The following UROS variants were observed in gnomAD, a reference collection of about 807,000 sequenced individuals.
UROS encodes the protein uroporphyrinogen-III synthase.
In UROS, 18 loss-of-function variants were observed where a neutral mutation model predicts 33.0. The observed-to-expected ratio is 0.55, with a 90% CI of 0.38 to 0.81. The LOEUF (loss-of-function observed/expected upper bound fraction) is 0.81. UROS is among the 30% of genes least tolerant of loss of function. The probability of loss-of-function intolerance (pLI) is 0.00; values close to 1 mark genes in which losing one functional copy is unlikely to be tolerated. For synonymous variants in UROS, 114 were observed against 121.1 expected (o/e 0.94, Z 0.38); for missense variants, 293 against 314.9 (o/e 0.93, Z 0.53).
intron 6 of UROS, among the ~76,000 whole-genome samples, chr10:125,800,416 A>C (rs1851742922): frequency 6.6e-6 from 1 of 152,116 alleles, no homozygotes; most frequent in South Asian, 2.1e-4. Context: ...GTGCTGGGGG[A>C]ACGGGGCGGA....
Position 125,794,871 on chromosome 10 carries a change from A to T in UROS, c.660+9T>A. ...CTGAAAAAGACCAAAAGCTCATTGA[A>T]TAACTTACCTTAATTTGATCGATAT... is the stretch of plus-strand genomic sequence containing the variant. On this transcript the variant is annotated intron_variant, in intron 9 of 9. Coordinates refer to ENST00000368797, the MANE Select transcript of UROS (RefSeq NM_000375.3). The T allele has an allele frequency of 6.2e-7, 1 of 1,610,170 alleles. No individual in the cohort carries two copies. Among genetic ancestry groups the T allele is most frequent in the Non-Finnish European group, 8.5e-7 (1 of 1,176,492 alleles).
At chr10:125,808,861 T>C (rs1429775745) in intron 5 of UROS, among the ~76,000 whole-genome samples, 1 of 152,236 alleles carries the variant, frequency 6.6e-6, no homozygotes, top group Non-Finnish European at 1.5e-5. Context: ...ATATTTGGTC[T>C]AAGGTCTCAG....
intron 1 of UROS, among the ~76,000 whole-genome samples, chr10:125,817,224 AT>A (rs11431196): frequency 0.025 from 1,853 of 73,966 alleles, 49 homozygotes; most frequent in African/African-American, 0.073. Context: ...TTATAGATGT[AT>A]TTTTTTTTTT....
At chr10:125,797,776 G>A (rs887098596) in intron 7 of UROS, among the ~76,000 whole-genome samples, 17 of 152,154 alleles carry the variant, frequency 1.1e-4, no homozygotes, top group African/African-American at 4.1e-4. Context: ...TCTGCCCAGG[G>A]GCCACCTCCA....
In UROS at chr10:125,816,477, T is replaced by A. The variant is rs769716295; in HGVS notation, c.23A>T (p.Asp8Val). 3 of 1,614,188 alleles carry A rather than the reference T, an allele frequency of 1.9e-6. No individual in the cohort carries two copies. In the Admixed American group the frequency reaches 5.0e-5, roughly 27 times the overall value. Residue 8 changes from aspartate to valine, a missense_variant, in exon 2 of 10, where the codon GAT becomes GTT. Physicochemically the swap from Asp to Val is radical, Grantham distance 152. Coordinates refer to ENST00000368797, the MANE Select transcript of UROS (RefSeq NM_000375.3). MKVLLLKDAKEDDCGQDP... is the reference protein window; with the variant it reads MKVLLLKVAKEDDCGQDP... ...CTGGCCACAGTCATCTTCCTTCGCA[T>A]CCTTCAGTAAAAGAACCTTCATTAT... is the stretch of plus-strand genomic sequence containing the variant.
In UROS at chr10:125,804,578, T is replaced by G. The variant is rs548035197; in HGVS notation, c.394+2835A>C. On this transcript the variant is annotated intron_variant, in intron 6 of 9. Transcript: ENST00000368797. ...CAGCATCCAATACTTGTATCTAAAG[T>G]GGGGGACAGTTTGCTAAGACTGAGC... Among the ~76,000 whole-genome samples the G allele has an allele frequency of 6.0e-4, 91 of 152,282 alleles. No homozygotes were observed. The East Asian group carries it at 0.015, about 26-fold the overall frequency.
At chr10:125,791,547 A>C (rs1326330432) in intron 9 of UROS, 1 of 152,246 alleles carries the variant, frequency 6.6e-6, no homozygotes, top group Non-Finnish European at 1.5e-5. Flanking sequence ...GCATTATTTA[A>C]TAGCCTGAAA....
At chr10:125,787,450 T>C (rs917091992), downstream of UROS, among the ~76,000 whole-genome samples, 3 of 152,108 alleles carry the variant, frequency 2.0e-5, no homozygotes, top group Admixed American at 6.5e-5. Context: ...GGGACCCCAT[T>C]CCTGCAATCC....
intron 9 of UROS, chr10:125,794,490 T>C (rs925490186): frequency 1.7e-5 from 8 of 474,702 alleles, no homozygotes; most frequent in African/African-American, 4.2e-5. Flanking sequence ...AAAAGGTGAC[T>C]GCTTTTAGAA....
intron 1 of UROS, among the ~76,000 whole-genome samples, chr10:125,817,772 G>A (rs1165847736): frequency 6.6e-6 from 1 of 152,130 alleles, no homozygotes; most frequent in Admixed American, 6.5e-5. Flanking sequence ...TGGCAGAGCT[G>A]GGATTCACAC....
chr10:125,815,081 G>C lies in UROS; in HGVS notation c.197C>G (p.Ala66Gly). Residue 66 changes from alanine (A) to glycine (G), a missense_variant, in exon 4 of 10, where the codon GCA becomes GGA. Physicochemically the swap from Ala to Gly is moderately conservative, Grantham distance 60. Transcript: ENST00000368797. ...YGGLIFTSPRAVEAAELCLEQ... is the reference protein window; with the variant it reads ...YGGLIFTSPRGVEAAELCLEQ... ...CAAACATAACTCTGCTGCTTCCACT[G>C]CTCTGGGGCTGGTAAAAATGAGTCC... 6.2e-7 allele frequency: 1 copy of C among 1,614,210 alleles called. No individual in the cohort carries two copies. Among genetic ancestry groups the C allele is most frequent in the Non-Finnish European group, 8.5e-7 (1 of 1,180,038 alleles).
At chr10:125,822,724 CT>C (rs1391537883) in intron 1 of UROS, among the ~76,000 whole-genome samples, 2 of 152,358 alleles carry the variant, frequency 1.3e-5, no homozygotes, top group African/African-American at 4.8e-5. Flanking sequence ...TCCCTAAGTG[CT>C]GGGATTACAG....
At position 125,791,295 on chromosome 10, in the gene UROS, C is replaced by T. The variant is rs184202911; in HGVS notation, c.661-2290G>A. Among the ~76,000 whole-genome samples the T allele has an allele frequency of 1.3e-3, 199 of 152,150 alleles. 1 individual carries two copies. The highest frequency in any genetic ancestry group is 4.6e-3 in the African/African-American group (191 of 41,514). ...CGAAATCAAATACATGCTGAGAAAC[C>T]ACTTCAGACCCACAAGGATGGCCAT... is the stretch of plus-strand genomic sequence containing the variant. On this transcript the variant is annotated intron_variant, in intron 9 of 9. Transcript: ENST00000368797.
At position 125,796,142 on chromosome 10, in the gene UROS, T is replaced by C. The variant is rs754098446; in HGVS notation, c.522A>G (p.Pro174=). ...SITVYQTVAH[P]GIQGNLNSYY... ...AGCTGTTCAGGTTCCCTTGGATTCC[T>C]GGGTGTGCAACTGTCTGATACACAG... The change falls in exon 8 of 10, where the codon CCA becomes CCG. Residue 174 remains proline, a synonymous_variant. Transcript: ENST00000368797. The C allele has an allele frequency of 1.2e-6, 2 of 1,614,214 alleles. No individual in the cohort carries two copies. Among genetic ancestry groups the C allele is most frequent in the African/African-American group, 1.3e-5 (1 of 75,052 alleles).
At chr10:125,795,115 T>C (rs1589931388) in intron 8 of UROS, 137 bp from the exon 9 acceptor site, 1 of 765,128 alleles carries the variant, frequency 1.3e-6, no homozygotes, top group Non-Finnish European at 2.3e-6. Context: ...TCCCGGCTGA[T>C]GCTGGCATCC....
chr10:125,804,100 C>T (rs1450998399), intron 6 of UROS, among the ~76,000 whole-genome samples: 3 of 152,212 alleles, frequency 2.0e-5, no homozygotes, highest in African/African-American at 7.2e-5. Context: ...TTTAACCATA[C>T]TGGAGTTTAT....
At chr10:125,820,182 A>C (rs912380747) in intron 1 of UROS, among the ~76,000 whole-genome samples, 1 of 152,112 alleles carries the variant, frequency 6.6e-6, no homozygotes, top group African/African-American at 2.4e-5. Flanking sequence ...CTAGAAAGGG[A>C]TTTGTTATAA....
At chr10:125,787,064 C>A (rs1206641950), downstream of UROS, among the ~76,000 whole-genome samples, 1 of 152,244 alleles carries the variant, frequency 6.6e-6, no homozygotes, top group Non-Finnish European at 1.5e-5. Flanking sequence ...TTAACCACGC[C>A]CTGGCGCACT....
At chr10:125,797,983 C>A in intron 7 of UROS, 82 bp downstream of exon 7, 7 of 1,529,142 alleles carry the variant, frequency 4.6e-6, no homozygotes, top group Non-Finnish European at 6.3e-6. Flanking sequence ...GTGCTCTCTG[C>A]AGGGCCACCC....
Sources: gnomAD v4.1 joint callset for allele counts (sites outside exome capture counted in the v4.1 genomes callset) on GRCh38, gnomAD v4.1.1 for gene constraint, MANE v1.5 for transcripts, NCBI Gene and HGNC (gene_info 2026-07-23, HGNC 2026-07-21) for gene names.